The following HYDIN variants were observed in gnomAD, a reference collection of about 807,000 sequenced individuals.
HYDIN encodes the protein axonemal central pair apparatus protein HYDIN.
Under a neutral mutation model 403.9 loss-of-function variants are expected in HYDIN, and 132 were observed. The ratio of observed to expected loss-of-function variants is 0.33; its 90% CI spans 0.28 to 0.38. HYDIN has a LOEUF of 0.38. Ranked by LOEUF, HYDIN falls within the 10% of genes least tolerant of loss-of-function variation. HYDIN has a pLI of 1.00. For synonymous variants in HYDIN, 1,202 were observed against 1,891.7 expected (o/e 0.64, Z 9.46); for missense variants, 2,827 against 5,009.5 (o/e 0.56, Z 13.15).
chr16:71,214,120 T>C (rs2088743012), intron 1 of HYDIN, among the ~76,000 whole-genome samples: 1 of 152,100 alleles, frequency 6.6e-6, no homozygotes, highest in Non-Finnish European at 1.5e-5. Context: ...CATTTCTATA[T>C]ACTCAAAAAA....
intron 75 of HYDIN, among the ~76,000 whole-genome samples, chr16:70,842,079 T>C (rs1339556643): frequency 6.6e-6 from 1 of 150,828 alleles, no homozygotes; most frequent in Non-Finnish European, 1.5e-5. Flanking sequence ...ATCCTTTTAA[T>C]TTATTGAGGT....
At chr16:71,016,199 G>A (rs1309241880) in intron 23 of HYDIN, among the ~76,000 whole-genome samples, 5 of 152,182 alleles carry the variant, frequency 3.3e-5, no homozygotes, top group African/African-American at 1.2e-4. Context: ...TATGGAAAGG[G>A]AGAAAATATT....
chr16:70,977,624 C>T (rs527322061), intron 30 of HYDIN, among the ~76,000 whole-genome samples: 8 of 136,628 alleles, frequency 5.9e-5, no homozygotes, highest in Admixed American at 2.4e-4. Flanking sequence ...GAACAATATT[C>T]GCATGCACAT....
intron 45 of HYDIN, among the ~76,000 whole-genome samples, chr16:70,923,607 C>T (rs1359814842): frequency 7.9e-6 from 1 of 126,924 alleles, no homozygotes; most frequent in African/African-American, 3.0e-5. Context: ...TCTAGACCAT[C>T]CTGGCTAACA....
intron 5 of HYDIN, among the ~76,000 whole-genome samples, chr16:71,167,919 C>T (rs980186565): frequency 3.3e-5 from 5 of 151,540 alleles, no homozygotes; most frequent in Non-Finnish European, 7.4e-5. Context: ...CTGTAAATGA[C>T]ACCACCATTT....
intron 42 of HYDIN, among the ~76,000 whole-genome samples, chr16:70,943,552 A>T: frequency 6.6e-6 from 1 of 151,458 alleles, no homozygotes; most frequent in Non-Finnish European, 1.5e-5. Context: ...ATTTTTAACA[A>T]CATCACTCTC....
At chr16:71,082,272 A>C (rs978706901) in intron 12 of HYDIN, among the ~76,000 whole-genome samples, 1 of 152,206 alleles carries the variant, frequency 6.6e-6, no homozygotes, top group African/African-American at 2.4e-5. Flanking sequence ...ACCCTTTATG[A>C]ATAGACATTT....
At chr16:71,224,426 A>AAAAATGATT (rs2040936893) in intron 1 of HYDIN, among the ~76,000 whole-genome samples, 2 of 152,236 alleles carry the variant, frequency 1.3e-5, no homozygotes, top group Admixed American at 6.5e-5. Flanking sequence ...CTTGTACCTC[A>AAAAATGATT]AAAATGATTG....
At chr16:70,865,592 G>C (rs1183644221) in intron 67 of HYDIN, among the ~76,000 whole-genome samples, 1 of 151,384 alleles carries the variant, frequency 6.6e-6, no homozygotes, top group Admixed American at 6.6e-5. Context: ...GTATTATTAG[G>C]TGACATTGTT....
At chr16:71,179,849 T>A (rs1446619999) in intron 3 of HYDIN, among the ~76,000 whole-genome samples, 2 of 152,236 alleles carry the variant, frequency 1.3e-5, no homozygotes, top group Non-Finnish European at 2.9e-5. Context: ...CAGTAGATTT[T>A]GGGTAGTGCC....
At chr16:71,077,557 G>GT (rs930974309) in intron 13 of HYDIN, among the ~76,000 whole-genome samples, 5 of 151,652 alleles carry the variant, frequency 3.3e-5, no homozygotes, top group Admixed American at 2.6e-4. Context: ...TGATAGTTTT[G>GT]TTTTTTTCTT....
intron 45 of HYDIN, among the ~76,000 whole-genome samples, chr16:70,928,467 AC>A (rs1395025309): frequency 1.3e-5 from 2 of 152,190 alleles, no homozygotes; most frequent in East Asian, 1.9e-4. Flanking sequence ...TAAAAAAAAA[AC>A]AAAAAACAAA....
intron 1 of HYDIN, among the ~76,000 whole-genome samples, chr16:71,211,031 G>C (rs551390733): frequency 2.0e-4 from 31 of 152,046 alleles, no homozygotes; most frequent in East Asian, 1.4e-3. Context: ...CACACACACA[G>C]AGAGATAGAA....
intron 36 of HYDIN, among the ~76,000 whole-genome samples, chr16:70,967,685 A>G (rs1423166421): frequency 2.6e-5 from 4 of 152,084 alleles, no homozygotes; most frequent in East Asian, 1.9e-4. Context: ...ACGGGGTTTC[A>G]CCGTGTTAGC....
intron 5 of HYDIN, 117 bp downstream of exon 5, chr16:71,175,490 A>G (rs2086634054): frequency 9.1e-7 from 1 of 1,095,692 alleles, no homozygotes; most frequent in Non-Finnish European, 1.3e-6. Context: ...CAAGACCACC[A>G]TCAATACCAC....
At chr16:70,908,928 T>C in intron 47 of HYDIN, 67 bp from the exon 48 acceptor site, 1 of 1,584,488 alleles carries the variant, frequency 6.3e-7, no homozygotes, top group Non-Finnish European at 8.6e-7. Context: ...AAGACAGAGA[T>C]GGCCACATGT....
chr16:71,125,499 T>C (rs1000600141), intron 9 of HYDIN, among the ~76,000 whole-genome samples: 9 of 152,352 alleles, frequency 5.9e-5, no homozygotes, highest in African/African-American at 1.4e-4. Flanking sequence ...TCAGCATTTG[T>C]AGATCAAAAA....
intron 1 of HYDIN, among the ~76,000 whole-genome samples, chr16:71,192,790 G>A (rs963036078): frequency 1.3e-5 from 2 of 152,112 alleles, no homozygotes; most frequent in Non-Finnish European, 2.9e-5. Context: ...TTTAATCACT[G>A]TATTCCCAGC....
rs369675076 is a variant in HYDIN at position 70,808,072 on chromosome 16, GAACA to G, written c.14884-14_14884-11del. 2.0e-3 allele frequency: 3,254 copies of G among 1,591,072 alleles called. 15 individuals carry two copies. The highest frequency in any genetic ancestry group is 0.013 in the Middle Eastern group (76 of 5,926). The stretch of plus-strand genomic sequence containing the variant: ...AGTCTGTACAGTCGGTCTGAAAGGG[GAACA>G]AACAAACTCAGCTCACGTGAGATCC... On this transcript the variant is annotated splice_polypyrimidine_tract_variant and intron_variant, in intron 85 of 85. Transcript: ENST00000393567.
Sources: gnomAD v4.1 joint callset for allele counts (sites outside exome capture counted in the v4.1 genomes callset) on GRCh38, gnomAD v4.1.1 for gene constraint, MANE v1.5 for transcripts, NCBI Gene and HGNC (gene_info 2026-07-23, HGNC 2026-07-21) for gene names.